Variants in TMEM121 observed in about 807,000 individuals in gnomAD.
TMEM121 encodes transmembrane protein 121.
A neutral mutation model predicts 16.4 loss-of-function variants in TMEM121; 8 were observed. That is an observed-to-expected ratio of 0.49 (90% CI 0.29 to 0.88). TMEM121 has a LOEUF of 0.88. Ranked by LOEUF, TMEM121 falls within the 40% of genes least tolerant of loss-of-function variation. The probability of loss-of-function intolerance (pLI) is 0.09; values close to 1 mark genes in which losing one functional copy is unlikely to be tolerated. For synonymous variants in TMEM121, 235 were observed against 226.2 expected (o/e 1.04, Z -0.35); for missense variants, 401 against 462.0 (o/e 0.87, Z 1.21).
intron 1 of TMEM121, among the ~76,000 whole-genome samples, chr14:105,528,134 G>A (rs2141831882): frequency 6.6e-6 from 1 of 151,888 alleles, no homozygotes; most frequent in Admixed American, 6.5e-5. Context: ...GCCTGCCCGT[G>A]CAGGGAGGAG....
Position 105,529,211 on chromosome 14 carries a change from T to C in TMEM121, c.377T>C (p.Leu126Pro). The C allele has an allele frequency of 6.3e-7, 1 of 1,578,744 alleles. No homozygotes were observed. The highest frequency in any genetic ancestry group is 8.6e-7 in the Non-Finnish European group (1 of 1,164,988). Residue 126 changes from leucine (L) to proline (P), a missense_variant, in exon 2 of 2, where the codon CTG (leucine) becomes CCG (proline). Physicochemically the swap from Leu to Pro is moderately conservative, Grantham distance 98. Transcript: ENST00000392519. ...TCTGTGTGTGTGCCCGGCCTGTTCCTGCTGCTCGTGGCGCTGGACCGCATG... is the reference window on the plus strand; with the variant it reads ...TCTGTGTGTGTGCCCGGCCTGTTCCCGCTGCTCGTGGCGCTGGACCGCATG... The part of the protein sequence containing the change: ...LLSVCVPGLF[L>P]LLVALDRMEY...
Position 105,529,197 on chromosome 14 carries a change from G to A in TMEM121, c.363G>A (p.Val121=), listed in dbSNP as rs79790529. The part of the protein sequence containing the change: ...KALTLLLSVC[V]PGLFLLLVAL... ...TGACGCTGCTGCTGTCTGTGTGTGT[G>A]CCCGGCCTGTTCCTGCTGCTCGTGG... Residue 121 remains valine (V), a synonymous_variant, in exon 2 of 2, where the codon GTG becomes GTA. Coordinates refer to ENST00000392519, the MANE Select transcript of TMEM121 (RefSeq NM_025268.4). 0.011 allele frequency: 16,624 copies of A among 1,582,682 alleles called. 2,808 individuals are homozygous for A. In the East Asian group the frequency reaches 0.25, roughly 24 times the overall value.
At chr14:105,528,693 C>A in intron 1 of TMEM121, 29 bp from the exon 2 acceptor site, 1 of 849,534 alleles carries the variant, frequency 1.2e-6, no homozygotes, top group Non-Finnish European at 1.5e-6. Context: ...CAGCCCGCAC[C>A]CTGATCTTGT....
rs1394904530 is a variant in TMEM121 at position 105,528,625 on chromosome 14, G to T, written c.-113-97G>T. 3.1e-5 allele frequency: 10 copies of T among 324,252 alleles called. 1 individual carries two copies. Among genetic ancestry groups the T allele is most frequent in the African/African-American group, 2.2e-4 (10 of 45,312 alleles). 20.1% of individuals were successfully genotyped at this position (324,252 alleles called of 1,614,324 possible). ...GCCTCGGGGCCCCGGCGCGGAGACC[G>T]CGCCTGGTGGGAAGCACGCGGGGTG... On this transcript the variant is annotated intron_variant, in intron 1 of 1. Coordinates refer to ENST00000392519, the MANE Select transcript of TMEM121 (RefSeq NM_025268.4).
chr14:105,528,804 G>A lies in TMEM121; in HGVS notation c.-31G>A, dbSNP rs2084611023. The stretch of plus-strand genomic sequence containing the variant: ...TCGTCCCGCCAGGCGTGGGGGCCGC[G>A]CGCGCCCAGGCCGGGGCCCGGCGGC... On this transcript the variant is annotated 5_prime_UTR_variant, in exon 2 of 2. Coordinates refer to ENST00000392519, the MANE Select transcript of TMEM121 (RefSeq NM_025268.4). 5 of 1,358,292 alleles carry A rather than the reference G, an allele frequency of 3.7e-6. No homozygotes were observed. The highest frequency in any genetic ancestry group is 3.9e-5 in the Admixed American group (1 of 25,964). 84.1% of individuals were successfully genotyped at this position (1,358,292 alleles called of 1,614,324 possible).
At chr14:105,527,415 A>G (rs2084597275) in intron 1 of TMEM121, 1 of 152,302 alleles carries the variant, frequency 6.6e-6, no homozygotes, top group Non-Finnish European at 1.5e-5. Context: ...TCAGACGTGT[A>G]GATCCAGTGG....
At position 105,529,068 on chromosome 14, in the gene TMEM121, G is replaced by C. The variant is rs2084614557; in HGVS notation, c.234G>C (p.Leu78=). 5 of 1,612,480 alleles carry C rather than the reference G, an allele frequency of 3.1e-6. No individual in the cohort carries two copies. Among genetic ancestry groups the C allele is most frequent in the Non-Finnish European group, 4.2e-6 (5 of 1,179,818 alleles). The change falls in exon 2 of 2, where the codon CTG becomes CTC. Residue 78 remains leucine, a synonymous_variant. Coordinates refer to ENST00000392519, the MANE Select transcript of TMEM121 (RefSeq NM_025268.4). ...CCAAGCGCGGCTACGCCATGATCCT[G>C]TGGTTCCTTTACATCTTCGTGCTGG... is the stretch of plus-strand genomic sequence containing the variant. ...RTAKRGYAMI[L]WFLYIFVLEI...
Position 105,529,452 on chromosome 14 carries a change from C to T in TMEM121, c.618C>T (p.Gly206=). The part of the protein sequence containing the change: ...CVALSEVSMQ[G]EHIAPQKMML... The stretch of plus-strand genomic sequence containing the variant: ...CGCTCAGCGAGGTCAGCATGCAGGG[C>T]GAGCACATAGCGCCGCAGAAGATGA... The change falls in exon 2 of 2, where the codon GGC becomes GGT. Residue 206 remains glycine (G), a synonymous_variant. Transcript: ENST00000392519. 1 of 1,546,416 alleles carries T rather than the reference C, an allele frequency of 6.5e-7. No individual in the cohort carries two copies. The highest frequency in any genetic ancestry group is 8.7e-7 in the Non-Finnish European group (1 of 1,146,846).
In TMEM121 at chr14:105,530,090, G is replaced by T; in HGVS notation, c.*296G>T. Reference sequence around the variant, plus strand: ...GCTGGGCCGCCCGGGTTGGAAGGGAGGGCAGTGTGGGCGGAGATCTGCTCC... The same window carrying T: ...GCTGGGCCGCCCGGGTTGGAAGGGATGGCAGTGTGGGCGGAGATCTGCTCC... On this transcript the variant is annotated 3_prime_UTR_variant, in exon 2 of 2. Coordinates refer to ENST00000392519, the MANE Select transcript of TMEM121 (RefSeq NM_025268.4). The T allele has an allele frequency of 2.5e-6, 1 of 396,536 alleles. No homozygotes were observed. The highest frequency in any genetic ancestry group is 4.6e-6 in the Non-Finnish European group (1 of 219,120). 24.6% of individuals were successfully genotyped at this position (396,536 alleles called of 1,614,324 possible).
In TMEM121 at chr14:105,530,087, G is replaced by A. The variant is rs899801572; in HGVS notation, c.*293G>A. The stretch of plus-strand genomic sequence containing the variant: ...CCTGCTGGGCCGCCCGGGTTGGAAG[G>A]GAGGGCAGTGTGGGCGGAGATCTGC... On this transcript the variant is annotated 3_prime_UTR_variant, in exon 2 of 2. Transcript: ENST00000392519. The A allele has an allele frequency of 5.0e-6, 2 of 402,524 alleles. No individual in the cohort carries two copies. The highest frequency in any genetic ancestry group is 4.2e-5 in the African/African-American group (2 of 47,134). 24.9% of individuals were successfully genotyped at this position (402,524 alleles called of 1,614,324 possible).
chr14:105,529,160 C>A lies in TMEM121; in HGVS notation c.326C>A (p.Ala109Glu), dbSNP rs376168675. Residue 109 changes from alanine to glutamate, a missense_variant, in exon 2 of 2, where the codon GCG becomes GAG. Physicochemically the swap from Ala to Glu is moderately radical, Grantham distance 107. Transcript: ENST00000392519. The stretch of plus-strand genomic sequence containing the variant: ...CGGCGCGGCGCGGCGGACCCCGTGG[C>A]GCGCAAGGCGCTGACGCTGCTGCTG... ...AARRGAADPV[A>E]RKALTLLLSV... is the part of the protein sequence containing the mutation. The A allele has an allele frequency of 4.4e-6, 7 of 1,593,374 alleles. No homozygotes were observed. In the Admixed American group the frequency reaches 8.7e-5, roughly 20 times the overall value.
In TMEM121 at chr14:105,529,674, A is replaced by G. The variant is rs1483901291; in HGVS notation, c.840A>G (p.Ser280=). 2 of 1,562,966 alleles carry G rather than the reference A, an allele frequency of 1.3e-6. No homozygotes were observed. Among genetic ancestry groups the G allele is most frequent in the Non-Finnish European group, 1.7e-6 (2 of 1,162,998 alleles). Residue 280 remains serine (S), a synonymous_variant, in exon 2 of 2, where the codon TCA becomes TCG. Coordinates refer to ENST00000392519, the MANE Select transcript of TMEM121 (RefSeq NM_025268.4). ...QVRDFPPPAL[S]LELQPPPPQR... ...GCGACTTCCCGCCGCCTGCGCTATC[A>G]CTGGAGCTGCAGCCGCCACCCCCGC...
At chr14:105,527,944 A>AGCCCGCCGGAGCCAGGAGGGAGGGCGGCG (rs1567086040) in intron 1 of TMEM121, among the ~76,000 whole-genome samples, 1 of 151,870 alleles carries the variant, frequency 6.6e-6, no homozygotes, top group Admixed American at 6.5e-5. Flanking sequence ...GCCTTGGTGG[A>AGCCCGCCGGAGCCAGGAGGGAGGGCGGCG]CGGGCTTCCC....
rs1242227640 is a variant in TMEM121 at position 105,528,765 on chromosome 14, AGC to A, written c.-67_-66del. 1.7e-6 allele frequency: 2 copies of A among 1,191,422 alleles called. No individual in the cohort carries two copies. The highest frequency in any genetic ancestry group is 1.0e-6 in the Non-Finnish European group (1 of 963,792). 73.8% of individuals were successfully genotyped at this position (1,191,422 alleles called of 1,614,324 possible). A position where few individuals can be genotyped will look rare whatever the true frequency, so the allele number is the denominator to read the frequency against. On this transcript the variant is annotated 5_prime_UTR_variant, in exon 2 of 2. Coordinates refer to ENST00000392519, the MANE Select transcript of TMEM121 (RefSeq NM_025268.4). The stretch of plus-strand genomic sequence containing the variant: ...CGTGTCGCGCCATGCCCGCTGGCTG[AGC>A]GCCGCAGGGCCTCGTCCCGCCAGGC...
At position 105,529,730 on chromosome 14, in the gene TMEM121, C is replaced by A; in HGVS notation, c.896C>A (p.Pro299Gln). 6.7e-7 allele frequency: 1 copy of A among 1,503,678 alleles called. No homozygotes were observed. The highest frequency in any genetic ancestry group is 8.8e-7 in the Non-Finnish European group (1 of 1,131,724). The allele number at this position is 1,503,678 out of a possible 1,614,324, so 93.1% of individuals were successfully genotyped here. Residue 299 changes from proline to glutamine, a missense_variant, in exon 2 of 2, where the codon CCG becomes CAG. Transcript: ENST00000392519. ...QRNSVPPPPP[P>Q]LHGPPGRPHM... ...AACTCGGTGCCGCCGCCGCCGCCGCCGCTGCACGGCCCGCCTGGGCGCCCC... is the reference window on the plus strand; with the variant it reads ...AACTCGGTGCCGCCGCCGCCGCCGCAGCTGCACGGCCCGCCTGGGCGCCCC...
chr14:105,528,432 C>A (rs2084606445), intron 1 of TMEM121, among the ~76,000 whole-genome samples: 1 of 152,132 alleles, frequency 6.6e-6, no homozygotes, highest in African/African-American at 2.4e-5. Context: ...AGTGACAAAC[C>A]CCCCCGGGCT....
chr14:105,528,128 G>A (rs781851302), intron 1 of TMEM121, among the ~76,000 whole-genome samples: 2 of 151,764 alleles, frequency 1.3e-5, no homozygotes, highest in African/African-American at 2.4e-5. Context: ...GACCGAGCCT[G>A]CCCGTGCAGG....
chr14:105,530,177 G>A lies in TMEM121; in HGVS notation c.*383G>A, dbSNP rs1164120013. ...GAGGCCTCTGTCATTTTAAAGACTCGTGTTTACAGTTTTGTATCCAAGGCC... is the reference window on the plus strand; with the variant it reads ...GAGGCCTCTGTCATTTTAAAGACTCATGTTTACAGTTTTGTATCCAAGGCC... On this transcript the variant is annotated 3_prime_UTR_variant, in exon 2 of 2. Transcript: ENST00000392519. The A allele has an allele frequency of 1.7e-5, 4 of 230,466 alleles. No homozygotes were observed. Among genetic ancestry groups the A allele is most frequent in the African/African-American group, 9.2e-5 (4 of 43,410 alleles). The allele number at this position is 230,466 out of a possible 1,614,324, so 14.3% of individuals were successfully genotyped here. A position where few individuals can be genotyped will look rare whatever the true frequency, so the allele number is the denominator to read the frequency against.
Position 105,529,610 on chromosome 14 carries a change from C to A in TMEM121, c.776C>A (p.Thr259Asn). The change falls in exon 2 of 2, where the codon ACC becomes AAC. Residue 259 changes from threonine to asparagine, a missense_variant. Thr to Asn is a moderately conservative substitution (Grantham distance 65). Transcript: ENST00000392519. ...FVGKNVVALA[T>N]KACTFLEYRR... ...GGCAAAAACGTGGTGGCGCTCGCCA[C>A]CAAGGCCTGCACCTTCCTGGAGTAC... 6.3e-7 allele frequency: 1 copy of A among 1,578,422 alleles called. No homozygotes were observed.
Sources: allele counts gnomAD v4.1 joint callset (sites outside exome capture counted in the v4.1 genomes callset), GRCh38; gene constraint gnomAD v4.1.1; transcripts MANE v1.5; gene names NCBI Gene and HGNC (gene_info 2026-07-23, HGNC 2026-07-21).